PCLO: variants seen among roughly 807,000 people sequenced by gnomAD.
The protein encoded by PCLO is protein piccolo.
A neutral mutation model predicts 427.5 loss-of-function variants in PCLO; 82 were observed. The ratio of observed to expected loss-of-function variants is 0.19; its 90% CI spans 0.16 to 0.23. The LOEUF (loss-of-function observed/expected upper bound fraction) is 0.23. Ranked by LOEUF, PCLO falls within the 10% of genes least tolerant of loss-of-function variation. The pLI is 1.00. For synonymous variants in PCLO, 2,357 were observed against 2,155.4 expected, an observed-to-expected ratio of 1.09 and a Z score of -2.59; for missense variants, 6,239 against 6,115.9, an observed-to-expected ratio of 1.02 and a Z score of -0.67.
At chr7:83,069,414 C>T (rs551550952) in intron 3 of PCLO, among the ~76,000 whole-genome samples, 12 of 152,040 alleles carry the variant, frequency 7.9e-5, no homozygotes, top group Middle Eastern at 3.2e-3. Flanking sequence ...GTAATAATTA[C>T]GTAATGTATA....
intron 3 of PCLO, among the ~76,000 whole-genome samples, chr7:83,016,973 G>A (rs910589006): frequency 1.3e-5 from 2 of 152,022 alleles, no homozygotes; most frequent in Non-Finnish European, 2.9e-5. Flanking sequence ...ACTTAAGAAT[G>A]GCTTAAAGTG....
chr7:82,872,126 T>C (rs2115995143), intron 10 of PCLO, among the ~76,000 whole-genome samples: 1 of 152,040 alleles, frequency 6.6e-6, no homozygotes, highest in Admixed American at 6.6e-5. Flanking sequence ...ATTTGACTAT[T>C]AAAACTTCAA....
rs1313074143 is a variant in PCLO at position 83,115,795 on chromosome 7, A to G, written c.3300+18455T>C. Among the ~76,000 whole-genome samples, 6 of 152,122 alleles carry G rather than the reference A, an allele frequency of 3.9e-5. No individual in the cohort carries two copies. In the East Asian group the frequency reaches 1.2e-3, roughly 29 times the overall value. On this transcript the variant is annotated intron_variant, in intron 3 of 24. Transcript: ENST00000333891. Reference sequence around the variant, plus strand: ...CCCTTGCCAGTACTCCTTACTTTTCAAAGTTGACAAGGCAGATGTGATTCA... The same window carrying G: ...CCCTTGCCAGTACTCCTTACTTTTCGAAGTTGACAAGGCAGATGTGATTCA...
chr7:82,938,865 A>C (rs935166043), intron 6 of PCLO, among the ~76,000 whole-genome samples: 1 of 152,060 alleles, frequency 6.6e-6, no homozygotes. Context: ...ATATTCCTTT[A>C]TCAGAAAATG....
At chr7:82,873,063 C>A (rs937279247) in intron 10 of PCLO, among the ~76,000 whole-genome samples, 2 of 151,784 alleles carry the variant, frequency 1.3e-5, no homozygotes, top group African/African-American at 2.4e-5. Context: ...CTACAGGAAG[C>A]TTTTACTAAT....
rs201288597 is a variant in PCLO, at chr7:82,771,942, CT to C, written c.15008-10450del. On this transcript the variant is annotated intron_variant, in intron 22 of 24. Coordinates refer to ENST00000333891, the MANE Select transcript of PCLO (RefSeq NM_033026.6). ...CAAAACATTAGCTTATGAAGGCATACTTTTTTTTTGTTTGTTTTATGTAGGG... is the reference window on the plus strand; with the variant it reads ...CAAAACATTAGCTTATGAAGGCATACTTTTTTTTGTTTGTTTTATGTAGGG... Among the ~76,000 whole-genome samples, 734 of 151,400 alleles carry C rather than the reference CT, an allele frequency of 4.8e-3. 2 individuals carry two copies. Among genetic ancestry groups the C allele is most frequent in the African/African-American group, 0.017 (696 of 41,332 alleles).
At chr7:83,151,759 T>C (rs183547359) in intron 2 of PCLO, among the ~76,000 whole-genome samples, 3 of 152,290 alleles carry the variant, frequency 2.0e-5, no homozygotes, top group East Asian at 1.9e-4. Flanking sequence ...CTTCCTACCA[T>C]AGGTAAACTG....
intron 6 of PCLO, among the ~76,000 whole-genome samples, chr7:82,935,256 T>C (rs1268083637): frequency 1.3e-5 from 2 of 150,188 alleles, no homozygotes; most frequent in Admixed American, 6.7e-5. Flanking sequence ...AATTTAATCA[T>C]GTCTTTGCAA....
intron 10 of PCLO, among the ~76,000 whole-genome samples, chr7:82,850,516 G>A (rs1053109964): frequency 1.3e-5 from 2 of 152,130 alleles, no homozygotes; most frequent in South Asian, 4.2e-4. Flanking sequence ...AATATTGTAT[G>A]CTCCTTAAAT....
At chr7:82,792,593 G>A (rs1457856615) in intron 22 of PCLO, among the ~76,000 whole-genome samples, 1 of 151,976 alleles carries the variant, frequency 6.6e-6, no homozygotes, top group East Asian at 1.9e-4. Flanking sequence ...CTCCCAAAGT[G>A]CTGGGATTAC....
At chr7:82,971,218 T>C (rs1019805179) in intron 3 of PCLO, among the ~76,000 whole-genome samples, 1 of 151,852 alleles carries the variant, frequency 6.6e-6, no homozygotes, top group Admixed American at 6.6e-5. Context: ...AATGTATCAA[T>C]GCCATGTATG....
intron 3 of PCLO, among the ~76,000 whole-genome samples, chr7:82,972,646 G>C (rs189456600): frequency 1.3e-5 from 2 of 152,080 alleles, no homozygotes; most frequent in East Asian, 3.9e-4. Context: ...TCCACCCATA[G>C]AAGTATGTAG....
At chr7:83,057,660 C>T (rs1215982463) in intron 3 of PCLO, among the ~76,000 whole-genome samples, 3 of 151,648 alleles carry the variant, frequency 2.0e-5, no homozygotes, top group African/African-American at 7.3e-5. Context: ...CACGCCCGGC[C>T]TCTATCATTT....
intron 6 of PCLO, among the ~76,000 whole-genome samples, chr7:82,930,803 T>C (rs2116337746): frequency 6.6e-6 from 1 of 152,264 alleles, no homozygotes; most frequent in South Asian, 2.1e-4. Flanking sequence ...TTTGGCTCCT[T>C]TGGGATTCCA....
intron 7 of PCLO, 177 bp downstream of exon 7, chr7:82,914,509 T>C (rs1794396471): frequency 2.9e-6 from 2 of 678,772 alleles, no homozygotes; most frequent in Non-Finnish European, 5.2e-6. Flanking sequence ...AAGAAAAGCA[T>C]GCTACAGAAT....
At chr7:82,790,759 C>G (rs1011213321) in intron 22 of PCLO, among the ~76,000 whole-genome samples, 3 of 152,164 alleles carry the variant, frequency 2.0e-5, no homozygotes, top group African/African-American at 4.8e-5. Context: ...AGTTACTATA[C>G]TTTTAAGTAA....
intron 3 of PCLO, among the ~76,000 whole-genome samples, chr7:83,133,551 T>C (rs1791628272): frequency 6.6e-6 from 1 of 152,086 alleles, no homozygotes; most frequent in Admixed American, 6.5e-5. Flanking sequence ...TTATCATCCC[T>C]TTAAAAAACC....
intron 6 of PCLO, among the ~76,000 whole-genome samples, chr7:82,936,367 C>T (rs931172096): frequency 4.0e-5 from 6 of 151,608 alleles, no homozygotes; most frequent in Non-Finnish European, 7.4e-5. Context: ...GGTCAAAAGA[C>T]TTAGTCACTT....
intron 22 of PCLO, among the ~76,000 whole-genome samples, chr7:82,775,449 AT>A (rs1790730281): frequency 6.6e-6 from 1 of 152,158 alleles, no homozygotes; most frequent in African/African-American, 2.4e-5. Context: ...GTGTAGGGGT[AT>A]ATCACTGTTG....
Sources: allele counts gnomAD v4.1 joint callset (sites outside exome capture counted in the v4.1 genomes callset), GRCh38; gene constraint gnomAD v4.1.1; transcripts MANE v1.5; gene names NCBI Gene and HGNC (gene_info 2026-07-23, HGNC 2026-07-21).